Variants in CNTNAP5 observed in about 807,000 individuals in gnomAD.
CNTNAP5 encodes contactin associated protein family member 5.
Under a neutral mutation model 150.2 loss-of-function variants are expected in CNTNAP5, and 72 were observed. The ratio of observed to expected loss-of-function variants is 0.48; its 90% CI spans 0.40 to 0.58. The LOEUF (loss-of-function observed/expected upper bound fraction) is 0.58, where lower values mean the gene tolerates loss of function less well. Among genes scored for constraint, CNTNAP5 ranks in the 20% least tolerant of loss-of-function variants. The pLI is 0.00. For synonymous variants in CNTNAP5, 672 were observed against 619.8 expected (o/e 1.08, Z -1.25); for missense variants, 1,636 against 1,626.2 (o/e 1.01, Z -0.10).
chr2:124,378,756 C>A (rs1245508682), intron 3 of CNTNAP5, among the ~76,000 whole-genome samples: 1 of 151,960 alleles, frequency 6.6e-6, no homozygotes, highest in African/African-American at 2.4e-5. Flanking sequence ...ATTTATATAT[C>A]TATTCTTGTT....
intron 17 of CNTNAP5, among the ~76,000 whole-genome samples, chr2:124,789,347 C>T (rs909370428): frequency 4.8e-4 from 73 of 151,914 alleles, no homozygotes; most frequent in African/African-American, 1.6e-3. Context: ...TGTATGTATA[C>T]GGAAAGAGCT....
chr2:124,827,767 C>G (rs1167485490), intron 19 of CNTNAP5, among the ~76,000 whole-genome samples: 1 of 152,152 alleles, frequency 6.6e-6, no homozygotes, highest in Non-Finnish European at 1.5e-5. Context: ...ATGTTAGGCT[C>G]ATAAACATTA....
chr2:124,890,774 A>G (rs1678177653), intron 21 of CNTNAP5, among the ~76,000 whole-genome samples: 1 of 152,128 alleles, frequency 6.6e-6, no homozygotes, highest in Non-Finnish European at 1.5e-5. Context: ...AGGAGTAATA[A>G]AAAGAGCTGA....
At chr2:124,437,507 G>T (rs1339850516) in intron 5 of CNTNAP5, among the ~76,000 whole-genome samples, 1 of 151,808 alleles carries the variant, frequency 6.6e-6, no homozygotes, top group Non-Finnish European at 1.5e-5. Context: ...ATTAATTTTA[G>T]ATTATAAAAT....
chr2:124,713,318 C>CCTTCCTTCCTTTCTTT (rs1402534251), intron 13 of CNTNAP5, among the ~76,000 whole-genome samples: 2 of 43,926 alleles, frequency 4.6e-5, no homozygotes, highest in South Asian at 1.2e-3. Flanking sequence ...CTCTTTCTTT[C>CCTTCCTTCCTTTCTTT]CTTTCTTTCT....
intron 17 of CNTNAP5, among the ~76,000 whole-genome samples, chr2:124,787,102 A>T (rs13430132): frequency 0.13 from 19,037 of 152,182 alleles, 2,642 homozygotes; most frequent in African/African-American, 0.34. Context: ...TCTCCATTAA[A>T]AAAGTTGTTG....
At position 124,259,717 on chromosome 2, in the gene CNTNAP5, C is replaced by T. The variant is rs57832233; in HGVS notation, c.381+17324C>T. Among the ~76,000 whole-genome samples, 224 of 152,092 alleles carry T rather than the reference C, an allele frequency of 1.5e-3. 1 individual carries two copies. The highest frequency in any genetic ancestry group is 4.8e-3 in the African/African-American group (198 of 41,498). On this transcript the variant is annotated intron_variant, in intron 3 of 23. Coordinates refer to ENST00000682447, the MANE Select transcript of CNTNAP5 (RefSeq NM_001367498.1). ...TTTTGATGGGGTTGTTTGTTTACAC[C>T]GATAACAGACAAGCAGAGAGCCAAA...
intron 19 of CNTNAP5, among the ~76,000 whole-genome samples, chr2:124,863,960 A>G (rs1677576696): frequency 6.6e-6 from 1 of 152,092 alleles, no homozygotes; most frequent in African/African-American, 2.4e-5. Context: ...CCATTCCCAC[A>G]TATGTCCAAG....
chr2:124,577,721 G>A (rs1696318022), intron 11 of CNTNAP5, among the ~76,000 whole-genome samples: 1 of 152,126 alleles, frequency 6.6e-6, no homozygotes, highest in South Asian at 2.1e-4. Flanking sequence ...ACAAGGAGAA[G>A]GAGATGAGCC....
At chr2:124,844,272 C>T (rs906536465) in intron 19 of CNTNAP5, among the ~76,000 whole-genome samples, 2 of 151,974 alleles carry the variant, frequency 1.3e-5, no homozygotes, top group Non-Finnish European at 2.9e-5. Flanking sequence ...ATAGGGTGTC[C>T]TTTCCCCACT....
At chr2:124,812,818 C>G (rs990291616) in intron 19 of CNTNAP5, among the ~76,000 whole-genome samples, 2 of 152,096 alleles carry the variant, frequency 1.3e-5, no homozygotes, top group African/African-American at 4.8e-5. Context: ...CCAAGTTGCA[C>G]CCCAATCACC....
chr2:124,415,798 C>A (rs979210865), intron 3 of CNTNAP5, among the ~76,000 whole-genome samples: 1 of 152,008 alleles, frequency 6.6e-6, no homozygotes, highest in Non-Finnish European at 1.5e-5. Context: ...ATGCTTAATG[C>A]CCTGAATTAT....
chr2:124,679,288 G>A (rs1218303463), intron 13 of CNTNAP5, among the ~76,000 whole-genome samples: 1 of 151,912 alleles, frequency 6.6e-6, no homozygotes, highest in Non-Finnish European at 1.5e-5. Context: ...CAGTATTTGA[G>A]ATCCGGGAGT....
intron 7 of CNTNAP5, among the ~76,000 whole-genome samples, chr2:124,483,533 G>C (rs1372577896): frequency 1.3e-5 from 2 of 152,192 alleles, no homozygotes; most frequent in African/African-American, 4.8e-5. Context: ...TCTGTAAGCA[G>C]TGTCTACCAC....
chr2:124,651,823 G>A (rs1019324592), intron 13 of CNTNAP5, among the ~76,000 whole-genome samples: 2 of 152,190 alleles, frequency 1.3e-5, no homozygotes, highest in African/African-American at 4.8e-5. Context: ...CGGCATCAGA[G>A]GGTTTGCATC....
intron 3 of CNTNAP5, among the ~76,000 whole-genome samples, chr2:124,271,791 C>T (rs1367249873): frequency 1.3e-5 from 2 of 151,858 alleles, no homozygotes; most frequent in African/African-American, 4.8e-5. Context: ...CTCGGCTCAC[C>T]GCAACCTCCA....
intron 3 of CNTNAP5, among the ~76,000 whole-genome samples, chr2:124,308,111 T>G (rs1425016893): frequency 6.6e-6 from 1 of 152,210 alleles, no homozygotes; most frequent in African/African-American, 2.4e-5. Flanking sequence ...ACAAGCAAAG[T>G]GAATTTCAAG....
chr2:124,492,891 A>G (rs1694064509), intron 7 of CNTNAP5, among the ~76,000 whole-genome samples: 2 of 152,118 alleles, frequency 1.3e-5, no homozygotes, highest in Admixed American at 6.6e-5. Flanking sequence ...ATTTTTTAAT[A>G]TATAATATCA....
At chr2:124,626,225 G>A (rs1421471648) in intron 12 of CNTNAP5, among the ~76,000 whole-genome samples, 1 of 152,092 alleles carries the variant, frequency 6.6e-6, no homozygotes, top group Non-Finnish European at 1.5e-5. Context: ...CAGGTATCCT[G>A]GGGTGTGTTA....
Sources: allele counts gnomAD v4.1 joint callset (sites outside exome capture counted in the v4.1 genomes callset), GRCh38; gene constraint gnomAD v4.1.1; transcripts MANE v1.5; gene names NCBI Gene and HGNC (gene_info 2026-07-23, HGNC 2026-07-21).